Variants in ARHGAP20 observed in about 807,000 individuals in gnomAD.
ARHGAP20 encodes Rho GTPase activating protein 20.
A neutral mutation model predicts 73.7 loss-of-function variants in ARHGAP20; 34 were observed. The observed-to-expected ratio is 0.46, with a 90% CI of 0.35 to 0.61. The LOEUF is 0.61. Ranked by LOEUF, ARHGAP20 falls within the 20% of genes least tolerant of loss-of-function variation. The pLI is 0.00. For missense variants in ARHGAP20, 1,314 were observed against 1,420.9 expected, an observed-to-expected ratio of 0.92 and a Z score of 1.21; for synonymous variants, 523 against 518.2, an observed-to-expected ratio of 1.01 and a Z score of -0.13.
At chr11:110,616,069 T>G (rs1300715653) in intron 4 of ARHGAP20, among the ~76,000 whole-genome samples, 1 of 152,096 alleles carries the variant, frequency 6.6e-6, no homozygotes, top group African/African-American at 2.4e-5. Flanking sequence ...TGCTTAATAT[T>G]GAGAACACAG....
rs1947348310 is a variant in ARHGAP20, at chr11:110,578,598, A to AATG, written c.*771_*772insCAT. The stretch of plus-strand genomic sequence containing the variant: ...TTCTGAAGAATGTTCCTAGGCAGAG[A>AATG]TACCTTTGAAAGGGTACTGAAATGG... On this transcript the variant is annotated 3_prime_UTR_variant, in exon 15 of 15. Coordinates refer to ENST00000683387, the MANE Select transcript of ARHGAP20 (RefSeq NM_001384657.1). 2.0e-6 allele frequency: 2 copies of AATG among 985,326 alleles called. No homozygotes were observed. The highest frequency in any genetic ancestry group is 6.1e-5 in the Admixed American group (1 of 16,266). 61.0% of individuals were successfully genotyped at this position (985,326 alleles called of 1,614,324 possible).
chr11:110,615,677 A>T, intron 4 of ARHGAP20, 83 bp from the exon 5 acceptor site: 1 of 1,269,116 alleles, frequency 7.9e-7, no homozygotes, highest in Non-Finnish European at 1.1e-6. Flanking sequence ...AATCCAGATG[A>T]AAATATCAAC....
intron 7 of ARHGAP20, among the ~76,000 whole-genome samples, chr11:110,610,555 A>C (rs1271726504): frequency 6.6e-6 from 1 of 152,106 alleles, no homozygotes; most frequent in East Asian, 1.9e-4. Context: ...TAATGAAAGT[A>C]CTCATTGTGT....
Position 110,590,815 on chromosome 11 carries a change from G to A in ARHGAP20, c.1144-6C>T. ...TTAAGAAAGAAAAGCATATCCTATG[G>A]GGAAGCAAAGGAAAATAAACAAAAT... On this transcript the variant is annotated splice_region_variant and splice_polypyrimidine_tract_variant and intron_variant, in intron 10 of 14. Coordinates refer to ENST00000683387, the MANE Select transcript of ARHGAP20 (RefSeq NM_001384657.1). 1 of 1,609,208 alleles carries A rather than the reference G, an allele frequency of 6.2e-7. No individual in the cohort carries two copies. Among genetic ancestry groups the A allele is most frequent in the East Asian group, 2.2e-5 (1 of 44,806 alleles).
chr11:110,600,880 G>A (rs944329264), intron 9 of ARHGAP20, among the ~76,000 whole-genome samples: 3 of 152,156 alleles, frequency 2.0e-5, no homozygotes, highest in South Asian at 4.1e-4. Context: ...ATGTATTGCT[G>A]TTATGTTTTC....
intron 2 of ARHGAP20, among the ~76,000 whole-genome samples, chr11:110,683,482 C>A (rs1950074437): frequency 6.6e-6 from 1 of 152,070 alleles, no homozygotes; most frequent in Non-Finnish European, 1.5e-5. Flanking sequence ...TTTTGGTTTG[C>A]AAATGGAGAC....
In ARHGAP20 at chr11:110,586,229, T is replaced by G. The variant is rs936549799; in HGVS notation, c.1402A>C (p.Asn468His). 3.9e-6 allele frequency: 6 copies of G among 1,525,778 alleles called. No individual in the cohort carries two copies. The highest frequency in any genetic ancestry group is 5.3e-6 in the Non-Finnish European group (6 of 1,131,450). 94.5% of individuals were successfully genotyped at this position (1,525,778 alleles called of 1,614,324 possible). ...TAGAATAATTACCTTTGAACAGTAT[T>G]TATTTTCTCTTCATCATTTCCTTGA... Reference protein sequence around the residue: ...MDQGNDEEKINTVQRLLDQLP... With the variant: ...MDQGNDEEKIHTVQRLLDQLP... The change falls in exon 12 of 15, where the codon AAT (asparagine) becomes CAT (histidine). Residue 468 changes from asparagine to histidine, a missense_variant. By Grantham distance (68) the Asn-to-His change is moderately conservative. Around this residue, in one of 3 missense-constraint regions of ARHGAP20, gnomAD observed 230 missense variants for 317.6 expected, o/e 0.72. Coordinates refer to ENST00000683387, the MANE Select transcript of ARHGAP20 (RefSeq NM_001384657.1).
intron 2 of ARHGAP20, among the ~76,000 whole-genome samples, chr11:110,669,562 T>C (rs1361048286): frequency 6.6e-6 from 1 of 151,762 alleles, no homozygotes; most frequent in Non-Finnish European, 1.5e-5. Context: ...CATGAAAAGA[T>C]GCTCAACATC....
intron 2 of ARHGAP20, among the ~76,000 whole-genome samples, chr11:110,665,817 G>A (rs927720807): frequency 6.6e-6 from 1 of 152,128 alleles, no homozygotes; most frequent in African/African-American, 2.4e-5. Context: ...AACTCATAGG[G>A]CTGGGAAGAA....
chr11:110,628,217 T>TA (rs1156756014), intron 3 of ARHGAP20, among the ~76,000 whole-genome samples: 1 of 152,156 alleles, frequency 6.6e-6, no homozygotes, highest in Admixed American at 6.5e-5. Flanking sequence ...ATATGGAACC[T>TA]AAGGTCCCCT....
intron 2 of ARHGAP20, among the ~76,000 whole-genome samples, chr11:110,633,806 C>T (rs1591331159): frequency 6.6e-6 from 1 of 152,076 alleles, no homozygotes; most frequent in South Asian, 2.1e-4. Flanking sequence ...TTCAAATGTA[C>T]TGAGTCTGAA....
chr11:110,707,951 G>A (rs1314305927), intron 1 of ARHGAP20, among the ~76,000 whole-genome samples: 4 of 148,682 alleles, frequency 2.7e-5, no homozygotes, highest in Middle Eastern at 3.3e-3. Context: ...AATTCAAGTT[G>A]ATTATAATTA....
intron 3 of ARHGAP20, among the ~76,000 whole-genome samples, chr11:110,627,567 A>G (rs942568594): frequency 6.6e-6 from 1 of 152,162 alleles, no homozygotes; most frequent in Admixed American, 6.5e-5. Context: ...CTTATTAAAC[A>G]TGTTTTGGGG....
intron 1 of ARHGAP20, among the ~76,000 whole-genome samples, chr11:110,710,898 A>C (rs946741991): frequency 6.6e-6 from 1 of 152,224 alleles, no homozygotes; most frequent in Non-Finnish European, 1.5e-5. Context: ...TTAAGTCTCT[A>C]ATGAAACAAA....
chr11:110,655,796 T>C (rs992394773), intron 2 of ARHGAP20, among the ~76,000 whole-genome samples: 3 of 152,288 alleles, frequency 2.0e-5, no homozygotes, highest in Non-Finnish European at 4.4e-5. Context: ...AGTCCTATTT[T>C]ATAAATGATA....
At chr11:110,608,025 G>A (rs1948274729) in intron 8 of ARHGAP20, among the ~76,000 whole-genome samples, 1 of 152,108 alleles carries the variant, frequency 6.6e-6, no homozygotes, top group Non-Finnish European at 1.5e-5. Flanking sequence ...TTAGCTCTGT[G>A]CATGATCACT....
chr11:110,633,438 T>C (rs567054049), intron 2 of ARHGAP20, among the ~76,000 whole-genome samples: 4 of 152,318 alleles, frequency 2.6e-5, no homozygotes, highest in Admixed American at 1.3e-4. Context: ...TAGTAAATCA[T>C]AAAGTTACGT....
At chr11:110,588,169 A>G (rs757307581) in intron 11 of ARHGAP20, among the ~76,000 whole-genome samples, 2 of 152,210 alleles carry the variant, frequency 1.3e-5, no homozygotes, top group African/African-American at 2.4e-5. Flanking sequence ...TACCACCATC[A>G]TCACAGCTGA....
Position 110,580,588 on chromosome 11 carries a change from T to C in ARHGAP20, c.2358A>G (p.Glu786=), listed in dbSNP as rs1481320408. 6.2e-7 allele frequency: 1 copy of C among 1,614,226 alleles called. No homozygotes were observed. The highest frequency in any genetic ancestry group is 2.2e-5 in the East Asian group (1 of 44,886). ...NTKKKSLSGS[E]GNHVKLFPKS... ...TAGGGAAAAGTTTCACGTGATTTCC[T>C]TCACTACCAGACAAGCTTTTCTTCT... Residue 786 remains glutamate (E), a synonymous_variant, in exon 15 of 15, where the codon GAA becomes GAG. Transcript: ENST00000683387.
Sources: gnomAD v4.1 joint callset for allele counts (sites outside exome capture counted in the v4.1 genomes callset) on GRCh38, gnomAD v4.1.1 for gene constraint, gnomAD v4.1.1 regional missense constraint, MANE v1.5 for transcripts, NCBI Gene and HGNC (gene_info 2026-07-23, HGNC 2026-07-21) for gene names.